KIZ: variants seen among roughly 807,000 people sequenced by gnomAD.
The protein encoded by KIZ is kizuna centrosomal protein, also known as centrosomal protein kizuna.
A neutral mutation model predicts 79.6 loss-of-function variants in KIZ; 68 were observed. The ratio of observed to expected loss-of-function variants is 0.85; its 90% CI spans 0.70 to 1.05. The LOEUF (loss-of-function observed/expected upper bound fraction) is 1.05, where lower values mean the gene tolerates loss of function less well. Among genes scored for constraint, KIZ ranks in the 50% least tolerant of loss-of-function variants. The pLI, the probability that KIZ is intolerant of heterozygous loss-of-function variation, is 0.00. For missense variants in KIZ, 797 were observed against 800.4 expected, an observed-to-expected ratio of 1.00 and a Z score of 0.05; for synonymous variants, 280 against 281.8, an observed-to-expected ratio of 0.99 and a Z score of 0.06.
intron 6 of KIZ, among the ~76,000 whole-genome samples, chr20:21,167,030 A>G (rs1219142540): frequency 2.0e-5 from 3 of 152,220 alleles, no homozygotes; most frequent in African/African-American, 7.2e-5. Context: ...CTACAGCCAC[A>G]AGGAAATTGA....
At chr20:21,170,176 A>G (rs1054837077) in intron 6 of KIZ, among the ~76,000 whole-genome samples, 3 of 152,164 alleles carry the variant, frequency 2.0e-5, no homozygotes, top group Non-Finnish European at 4.4e-5. Context: ...CATAGTAGGT[A>G]TATGTATCTA....
intron 9 of KIZ, among the ~76,000 whole-genome samples, chr20:21,217,342 T>G (rs1402049515): frequency 1.3e-5 from 2 of 152,220 alleles, no homozygotes; most frequent in East Asian, 1.9e-4. Flanking sequence ...CCATCATCCC[T>G]TTATTAAATG....
In KIZ at chr20:21,166,594, C is replaced by T. The variant is rs527846355; in HGVS notation, c.1352+3435C>T. 59 of 1,305,538 alleles carry T rather than the reference C, an allele frequency of 4.5e-5. No individual in the cohort carries two copies. The South Asian group carries it at 7.0e-4, about 15-fold the overall frequency. 80.9% of individuals were successfully genotyped at this position (1,305,538 alleles called of 1,614,324 possible). ...CATCTGCCAGGACATTCATGCGCAC[C>T]ATTGTGGCGGTGCGGAAAGAGCTTT... On this transcript the variant is annotated intron_variant, in intron 6 of 12. Coordinates refer to ENST00000619189, the MANE Select transcript of KIZ (RefSeq NM_018474.6).
At chr20:21,184,534 T>C (rs2034794585) in intron 6 of KIZ, among the ~76,000 whole-genome samples, 1 of 152,250 alleles carries the variant, frequency 6.6e-6, no homozygotes, top group Non-Finnish European at 1.5e-5. Flanking sequence ...TAATTATCTT[T>C]AACTTATAGT....
chr20:21,155,173 A>G (rs1307224899), intron 4 of KIZ, among the ~76,000 whole-genome samples: 2 of 152,240 alleles, frequency 1.3e-5, no homozygotes, highest in African/African-American at 2.4e-5. Context: ...ATAGCATTCA[A>G]GCATAGCAGC....
Position 21,208,442 on chromosome 20 carries a change from G to A in KIZ, c.1446+2858G>A, listed in dbSNP as rs531193363. 2.0e-5 allele frequency among the ~76,000 whole-genome samples: 3 copies of A among 152,306 alleles called. No individual in the cohort carries two copies. The South Asian group carries it at 6.2e-4, about 32-fold the overall frequency. On this transcript the variant is annotated intron_variant, in intron 7 of 12. Transcript: ENST00000619189. ...AAATAGGCTGGACGCGGTGGCTTACGCCTGTAATCCCAGCACTTTGGGAGG... is the reference window on the plus strand; with the variant it reads ...AAATAGGCTGGACGCGGTGGCTTACACCTGTAATCCCAGCACTTTGGGAGG...
intron 6 of KIZ, among the ~76,000 whole-genome samples, chr20:21,175,071 G>C (rs1261562509): frequency 1.3e-5 from 2 of 152,144 alleles, no homozygotes; most frequent in Admixed American, 1.3e-4. Context: ...AATACTGGTG[G>C]CCCCTGAGCC....
chr20:21,127,000 A>G (rs2122241697), intron 1 of KIZ, among the ~76,000 whole-genome samples: 1 of 152,350 alleles, frequency 6.6e-6, no homozygotes, highest in African/African-American at 2.4e-5. Flanking sequence ...CAAAACATTT[A>G]ATGAGTGTTA....
chr20:21,157,349 T>G (rs561614841), intron 4 of KIZ, among the ~76,000 whole-genome samples: 4 of 152,316 alleles, frequency 2.6e-5, no homozygotes, highest in African/African-American at 9.6e-5. Flanking sequence ...CATGTACTTA[T>G]TAATTAGTAT....
At chr20:21,127,232 C>T (rs558252343) in intron 1 of KIZ, among the ~76,000 whole-genome samples, 1 of 152,262 alleles carries the variant, frequency 6.6e-6, no homozygotes, top group African/African-American at 2.4e-5. Context: ...TCCTTTTCTA[C>T]GTCCTATTTT....
intron 6 of KIZ, chr20:21,166,173 G>A: frequency 1.0e-6 from 1 of 990,172 alleles, no homozygotes; most frequent in Non-Finnish European, 1.5e-6. Context: ...TTGTCCATGA[G>A]GCATTTTATT....
chr20:21,234,472 G>T (rs2036935759), intron 11 of KIZ, among the ~76,000 whole-genome samples: 1 of 151,982 alleles, frequency 6.6e-6, no homozygotes, highest in African/African-American at 2.4e-5. Flanking sequence ...GTTTGTCACG[G>T]TTTGGTTCTT....
At chr20:21,195,358 A>C (rs1234356398) in intron 6 of KIZ, 1 of 152,236 alleles carries the variant, frequency 6.6e-6, no homozygotes, top group African/African-American at 2.4e-5. Flanking sequence ...GAATTTAAAA[A>C]CAATAACGAG....
intron 4 of KIZ, among the ~76,000 whole-genome samples, chr20:21,149,616 A>G (rs1388425548): frequency 2.0e-5 from 3 of 152,200 alleles, no homozygotes; most frequent in Admixed American, 1.3e-4. Context: ...GAGCAGTGCC[A>G]CTGCAGGAGA....
chr20:21,153,400 A>G (rs2033216854), intron 4 of KIZ, among the ~76,000 whole-genome samples: 1 of 152,190 alleles, frequency 6.6e-6, no homozygotes, highest in Non-Finnish European at 1.5e-5. Context: ...ATTTTGTGCA[A>G]GATAATTTAC....
chr20:21,162,239 A>AC lies in KIZ; in HGVS notation c.775dup (p.Arg259ProfsTer6), dbSNP rs751325312. 1 of 1,614,032 alleles carries AC rather than the reference A, an allele frequency of 6.2e-7. No homozygotes were observed. The highest frequency in any genetic ancestry group is 1.1e-5 in the South Asian group (1 of 91,086). ...ATTGCTTGGAGATAGGAAGTAACAC[A>AC]CGTCATGGCAAGAGTAATTTATCTG... On this transcript the variant is annotated frameshift_variant, in exon 5 of 13. Coordinates refer to ENST00000619189, the MANE Select transcript of KIZ (RefSeq NM_018474.6). LOFTEE classifies it high-confidence loss of function.
chr20:21,188,667 T>C (rs1296705605), intron 6 of KIZ, among the ~76,000 whole-genome samples: 1 of 147,130 alleles, frequency 6.8e-6, no homozygotes, highest in African/African-American at 2.5e-5. Flanking sequence ...AGATCTGTTT[T>C]GCATTTTATT....
rs529214209 is a variant in KIZ, at chr20:21,237,029, C to T, written c.1880+4199C>T. Among the ~76,000 whole-genome samples, 6 of 150,396 alleles carry T rather than the reference C, an allele frequency of 4.0e-5. No individual in the cohort carries two copies. The East Asian group carries it at 7.8e-4, about 19-fold the overall frequency. On this transcript the variant is annotated intron_variant, in intron 11 of 12. Coordinates refer to ENST00000619189, the MANE Select transcript of KIZ (RefSeq NM_018474.6). ...AAAAAAAAAAAATGATGGCTGGGTGCGGTGGCTCACACCTGTAATCCCAGT... is the reference window on the plus strand; with the variant it reads ...AAAAAAAAAAAATGATGGCTGGGTGTGGTGGCTCACACCTGTAATCCCAGT...
intron 8 of KIZ, among the ~76,000 whole-genome samples, chr20:21,214,939 A>C (rs547380396): frequency 1.4e-4 from 21 of 152,348 alleles, no homozygotes; most frequent in Admixed American, 2.6e-4. Flanking sequence ...TAATAAAATA[A>C]GTATGAAGAA....
Sources: allele counts gnomAD v4.1 joint callset (sites outside exome capture counted in the v4.1 genomes callset), GRCh38; gene constraint gnomAD v4.1.1; transcripts MANE v1.5; gene names NCBI Gene and HGNC (gene_info 2026-07-23, HGNC 2026-07-21).